Variants in ARHGEF11 observed in about 807,000 individuals in gnomAD.
ARHGEF11 encodes Rho guanine exchange factor (GEF) 11.
A neutral mutation model predicts 193.7 loss-of-function variants in ARHGEF11; 55 were observed. The ratio of observed to expected loss-of-function variants is 0.28; its 90% confidence interval spans 0.23 to 0.36. ARHGEF11 has a LOEUF of 0.36. Ranked by LOEUF, ARHGEF11 falls within the 10% of genes least tolerant of loss-of-function variation. ARHGEF11 has a pLI of 1.00. For missense variants in ARHGEF11, 1,723 were observed against 2,005.6 expected (o/e 0.86, Z 2.69); for synonymous variants, 693 against 768.0 (o/e 0.90, Z 1.62).
chr1:157,024,891 C>A (rs1557972373), intron 1 of ARHGEF11, among the ~76,000 whole-genome samples: 1 of 152,184 alleles, frequency 6.6e-6, no homozygotes, highest in Non-Finnish European at 1.5e-5. Flanking sequence ...TTCTCTTGAA[C>A]CCCTTGTGTA....
At chr1:157,039,386 C>G (rs1276792037) in intron 1 of ARHGEF11, among the ~76,000 whole-genome samples, 1 of 152,224 alleles carries the variant, frequency 6.6e-6, no homozygotes, top group Non-Finnish European at 1.5e-5. Flanking sequence ...AGGTCATTCA[C>G]CCAGCTGCTA....
At chr1:157,001,050 G>A (rs1375972959) in intron 1 of ARHGEF11, among the ~76,000 whole-genome samples, 1 of 152,170 alleles carries the variant, frequency 6.6e-6, no homozygotes, top group East Asian at 1.9e-4. Context: ...CCTTGAGGAA[G>A]CCTTCCTCAA....
chr1:156,998,316 GCT>G (rs371014237), intron 1 of ARHGEF11, among the ~76,000 whole-genome samples: 10 of 152,286 alleles, frequency 6.6e-5, no homozygotes, highest in African/African-American at 2.4e-4. Flanking sequence ...ATTGGCACAA[GCT>G]CACATCGGAC....
At chr1:156,960,133 A>G (rs1660613413) in intron 15 of ARHGEF11, among the ~76,000 whole-genome samples, 1 of 151,976 alleles carries the variant, frequency 6.6e-6, no homozygotes, top group Admixed American at 6.5e-5. Flanking sequence ...GGTCATGTAG[A>G]AGGCTGGCAG....
chr1:157,006,052 T>C (rs1444697195), intron 1 of ARHGEF11, among the ~76,000 whole-genome samples: 2 of 152,200 alleles, frequency 1.3e-5, no homozygotes, highest in African/African-American at 4.8e-5. Flanking sequence ...CACTGTAAAA[T>C]ATAGGTTTCT....
chr1:156,940,069 C>A, intron 36 of ARHGEF11, 138 bp downstream of exon 36: 1 of 1,401,474 alleles, frequency 7.1e-7, no homozygotes, highest in Non-Finnish European at 9.5e-7. Context: ...TGGGGAATGA[C>A]ATCTGTCTCC....
At position 156,948,292 on chromosome 1, in the gene ARHGEF11, G is replaced by C; in HGVS notation, c.2105+27C>G. ...TTGCCGCCACCCCTGAGATGTCCAT[G>C]GGTGCAGCCGTTGTAGCCCTGCCCA... On this transcript the variant is annotated intron_variant, in intron 23 of 40. Transcript: ENST00000368194. This position sits in a 1 kb window ranked among gnomAD's most constrained non-coding sequence, Gnocchi z 4.2. 6.2e-7 allele frequency: 1 copy of C among 1,611,192 alleles called. No individual in the cohort carries two copies. Among genetic ancestry groups the C allele is most frequent in the South Asian group, 1.1e-5 (1 of 91,024 alleles).
At chr1:157,007,899 G>GT (rs11290114) in intron 1 of ARHGEF11, among the ~76,000 whole-genome samples, 13 of 128,962 alleles carry the variant, frequency 1.0e-4, no homozygotes, top group East Asian at 2.3e-4. Context: ...GAAGGCAAAG[G>GT]TTTTTTTTTT....
chr1:156,966,007 A>G (rs903351017), intron 11 of ARHGEF11, among the ~76,000 whole-genome samples: 3 of 152,252 alleles, frequency 2.0e-5, no homozygotes, highest in African/African-American at 4.8e-5. Context: ...GATAAAGCAT[A>G]TAAAGTTGAG....
intron 1 of ARHGEF11, among the ~76,000 whole-genome samples, chr1:157,025,445 G>C (rs1670529755): frequency 6.6e-6 from 1 of 152,212 alleles, no homozygotes; most frequent in African/African-American, 2.4e-5. Context: ...GAGGGAAAAA[G>C]GACCTTGGAT....
chr1:156,979,331 AG>A (rs1663753906), intron 4 of ARHGEF11, 45 bp from the exon 5 acceptor site: 1 of 1,239,110 alleles, frequency 8.1e-7, no homozygotes, highest in Non-Finnish European at 1.2e-6. Flanking sequence ...ATGAACAGCT[AG>A]GGGATCCTTC....
Position 156,969,336 on chromosome 1 carries a change from C to T in ARHGEF11, c.771G>A (p.Gln257=), listed in dbSNP as rs1303417405. 1 of 1,609,144 alleles carries T rather than the reference C, an allele frequency of 6.2e-7. No homozygotes were observed. The highest frequency in any genetic ancestry group is 8.5e-7 in the Non-Finnish European group (1 of 1,177,640). Residue 257 remains glutamine (Q), a synonymous_variant, in exon 10 of 41, where the codon CAG becomes CAA. Coordinates refer to ENST00000368194, the MANE Select transcript of ARHGEF11 (RefSeq NM_198236.3). The part of the protein sequence containing the change: ...PSEGRLSLDS[Q]EGDSGLDSGT... ...CAGAGTCCAAGCCACTGTCCCCCTCCTGGGAATCCAGAGAGAGCCGGCCTG... is the reference window on the plus strand; with the variant it reads ...CAGAGTCCAAGCCACTGTCCCCCTCTTGGGAATCCAGAGAGAGCCGGCCTG...
chr1:156,938,506 C>G lies in ARHGEF11; in HGVS notation c.4104G>C (p.Val1368=), dbSNP rs373021079. ...GGYKVVRKAE[V]AGSKVVPALP... ...GTGCAGGGACAACCTTGCTGCCTGCCACCTCAGCTGCACCGACACCACCAC... is the reference window on the plus strand; with the variant it reads ...GTGCAGGGACAACCTTGCTGCCTGCGACCTCAGCTGCACCGACACCACCAC... Residue 1368 remains valine (V), a synonymous_variant, in exon 38 of 41, where the codon GTG becomes GTC. Coordinates refer to ENST00000368194, the MANE Select transcript of ARHGEF11 (RefSeq NM_198236.3). The G allele has an allele frequency of 6.2e-7, 1 of 1,613,126 alleles. No homozygotes were observed. Among genetic ancestry groups the G allele is most frequent in the South Asian group, 1.1e-5 (1 of 90,914 alleles).
chr1:156,956,853 C>T (rs1660030586), intron 18 of ARHGEF11, among the ~76,000 whole-genome samples: 1 of 152,136 alleles, frequency 6.6e-6, no homozygotes, highest in African/African-American at 2.4e-5. Context: ...AGATGATGGT[C>T]AGTGGAAGAA....
chr1:157,002,409 C>T (rs769793628), intron 1 of ARHGEF11, among the ~76,000 whole-genome samples: 2 of 152,158 alleles, frequency 1.3e-5, no homozygotes, highest in Non-Finnish European at 2.9e-5. Flanking sequence ...TCTAAATCCT[C>T]CCAAACTCTA....
At position 156,946,154 on chromosome 1, in the gene ARHGEF11, C is replaced by G. The variant is rs1195462527; in HGVS notation, c.2703G>C (p.Glu901Asp). Residue 901 changes from glutamate (E) to aspartate (D), a missense_variant, in exon 29 of 41, where the codon GAG (glutamate) becomes GAC (aspartate). Glu to Asp is a conservative substitution (Grantham distance 45, BLOSUM62 2). Coordinates refer to ENST00000368194, the MANE Select transcript of ARHGEF11 (RefSeq NM_198236.3). ...SRFQLFMQEA[E>D]SHPQCRRLQL... is the part of the protein sequence containing the mutation. ...GCAGCCGCCGACACTGAGGGTGGCT[C>G]TCAGCCTCCTAGACAGCAGGAGACA... 1.2e-6 allele frequency: 2 copies of G among 1,613,134 alleles called. No individual in the cohort carries two copies.
intron 13 of ARHGEF11, among the ~76,000 whole-genome samples, chr1:156,962,865 C>G (rs1178498894): frequency 8.8e-6 from 1 of 113,098 alleles, no homozygotes; most frequent in Non-Finnish European, 1.6e-5. Context: ...GGCGACAGTG[C>G]GAGACTCCGT....
At chr1:156,986,248 T>A in intron 1 of ARHGEF11, 75 bp from the exon 2 acceptor site, 1 of 1,291,000 alleles carries the variant, frequency 7.7e-7, no homozygotes, top group Non-Finnish European at 1.1e-6. Context: ...GGAGGCTCTG[T>A]CAAAAGGGGC....
intron 1 of ARHGEF11, among the ~76,000 whole-genome samples, chr1:157,021,353 G>A (rs187736391): frequency 6.6e-6 from 1 of 152,276 alleles, no homozygotes; most frequent in Admixed American, 6.5e-5. Flanking sequence ...AGAATCACAG[G>A]CATGTCCTTG....
Sources: gnomAD v4.1 joint callset for allele counts (sites outside exome capture counted in the v4.1 genomes callset) on GRCh38, gnomAD v4.1.1 for gene constraint, Gnocchi (gnomAD v3.1) non-coding constraint, MANE v1.5 for transcripts, NCBI Gene and HGNC (gene_info 2026-07-23, HGNC 2026-07-21) for gene names.